RNF32: variants seen among roughly 807,000 people sequenced by gnomAD.
The protein encoded by RNF32 is ring finger protein 32.
RNF32 carries 36 observed loss-of-function variants against 41.0 expected under a neutral mutation model. The observed-to-expected ratio is 0.88, with a 90% CI of 0.67 to 1.16. The LOEUF (loss-of-function observed/expected upper bound fraction) is 1.16. RNF32 is among the 50% of genes most tolerant of loss of function. The pLI is 0.00. For missense variants in RNF32, 413 were observed against 436.7 expected (o/e 0.95, Z 0.48); for synonymous variants, 154 against 160.9 (o/e 0.96, Z 0.32).
intron 7 of RNF32, among the ~76,000 whole-genome samples, chr7:156,664,568 TGGA>T (rs894802845): frequency 6.6e-6 from 1 of 152,244 alleles, no homozygotes; most frequent in Admixed American, 6.5e-5. Context: ...TTGGTACAAG[TGGA>T]GAATTTCCTT....
At position 156,676,766 on chromosome 7, in the gene RNF32, A is replaced by T; in HGVS notation, c.*111A>T. 5.2e-6 allele frequency: 4 copies of T among 766,386 alleles called. No homozygotes were observed. In the South Asian group the frequency reaches 6.7e-5, roughly 13 times the overall value. The allele number at this position is 766,386 out of a possible 1,614,324, so 47.5% of individuals were successfully genotyped here. ...CTACAATGTAATCTGTTTCCCAGGG[A>T]AATAAGCTATTGGTAGTTGTAGGAA... On this transcript the variant is annotated 3_prime_UTR_variant, in exon 9 of 9. Coordinates refer to ENST00000317955, the MANE Select transcript of RNF32 (RefSeq NM_030936.4).
At chr7:156,646,423 G>C in intron 3 of RNF32, 1 of 1,303,882 alleles carries the variant, frequency 7.7e-7, no homozygotes, top group Non-Finnish European at 1.0e-6. Flanking sequence ...CTCTAGGTGT[G>C]ATTGTACTCT....
At chr7:156,640,627 A>T (rs373546967), upstream of RNF32, 29 of 387,788 alleles carry the variant, frequency 7.5e-5, no homozygotes, top group East Asian at 1.3e-3. Flanking sequence ...AGCATGCGCA[A>T]TGTGGGCCGG....
intron 8 of RNF32, 71 bp downstream of exon 8, chr7:156,675,934 TGGGGG>T: frequency 6.8e-7 from 1 of 1,478,656 alleles, no homozygotes; most frequent in Non-Finnish European, 9.3e-7. Flanking sequence ...GAGTGGCATG[TGGGGG>T]GAGGTCGAGG....
chr7:156,675,687 C>T lies in RNF32; in HGVS notation c.685-9C>T, dbSNP rs370799805. ...GGTGTGAGCTTACCCGCCCCCGCCT[C>T]CTCCTCAGTTCACAGAAATCAGCCA... On this transcript the variant is annotated splice_polypyrimidine_tract_variant and intron_variant, in intron 7 of 8. Coordinates refer to ENST00000317955, the MANE Select transcript of RNF32 (RefSeq NM_030936.4). 2.1e-5 allele frequency: 33 copies of T among 1,606,566 alleles called. No homozygotes were observed. The African/African-American group carries it at 4.3e-4, about 21-fold the overall frequency.
rs115614481 is a variant in RNF32 at position 156,671,756 on chromosome 7, C to T, written c.685-3940C>T. On this transcript the variant is annotated intron_variant, in intron 7 of 8. Coordinates refer to ENST00000317955, the MANE Select transcript of RNF32 (RefSeq NM_030936.4). ...CCAGTCGTCCTAGTATCTCATGTCA[C>T]CATCTTTATGTCCACGTACTTGAAG... Among the ~76,000 whole-genome samples the T allele has an allele frequency of 2.0e-3, 297 of 151,046 alleles. 1 individual carries two copies. The highest frequency in any genetic ancestry group is 6.9e-3 in the African/African-American group (284 of 41,434).
intron 7 of RNF32, chr7:156,660,464 TG>T (rs1800463925): frequency 9.1e-6 from 2 of 220,738 alleles, no homozygotes; most frequent in African/African-American, 4.7e-5. Context: ...TAAGTAAAAC[TG>T]ATTTTTTATT....
At chr7:156,671,078 G>A (rs1362157821) in intron 7 of RNF32, among the ~76,000 whole-genome samples, 1 of 152,212 alleles carries the variant, frequency 6.6e-6, no homozygotes, top group Non-Finnish European at 1.5e-5. Context: ...AATAATGTAA[G>A]TATGCACTTC....
rs1318803954 is a variant in RNF32, at chr7:156,670,698, T to G, written c.685-4998T>G. Among the ~76,000 whole-genome samples the G allele has an allele frequency of 6.6e-6, 1 of 152,156 alleles. No individual in the cohort carries two copies. The highest frequency in any genetic ancestry group is 2.4e-5 in the African/African-American group (1 of 41,434). ...GAGCGGCAGAAGGTGAGATGGCATCTCCGTGTGTCGGGAGAGACCTAACCG... is the reference window on the plus strand; with the variant it reads ...GAGCGGCAGAAGGTGAGATGGCATCGCCGTGTGTCGGGAGAGACCTAACCG... On this transcript the variant is annotated intron_variant, in intron 7 of 8. Coordinates refer to ENST00000317955, the MANE Select transcript of RNF32 (RefSeq NM_030936.4). The surrounding 1 kb of genome is among the most constrained non-coding windows in gnomAD (Gnocchi z 4.3).
Position 156,676,585 on chromosome 7 carries a change from G to A in RNF32, c.1019G>A (p.Gly340Glu). The A allele has an allele frequency of 1.2e-6, 2 of 1,614,226 alleles. No homozygotes were observed. Among genetic ancestry groups the A allele is most frequent in the Non-Finnish European group, 1.7e-6 (2 of 1,180,048 alleles). The change falls in exon 9 of 9, where the codon GGA (glycine) becomes GAA (glutamate). Residue 340 changes from glycine to glutamate, a missense_variant. Coordinates refer to ENST00000317955, the MANE Select transcript of RNF32 (RefSeq NM_030936.4). Reference protein sequence around the residue: ...CLLALEEFSVGDRPPFHACPL... With the variant: ...CLLALEEFSVEDRPPFHACPL... The stretch of plus-strand genomic sequence containing the variant: ...CTGGCACTAGAGGAGTTCTCCGTGG[G>A]AGACAGGCCTCCTTTCCATGCCTGT...
At chr7:156,673,334 C>A (rs1803004058) in intron 7 of RNF32, among the ~76,000 whole-genome samples, 1 of 152,158 alleles carries the variant, frequency 6.6e-6, no homozygotes, top group Non-Finnish European at 1.5e-5. Flanking sequence ...TTGGAGGTAA[C>A]TGTGTATATT....
intron 7 of RNF32, among the ~76,000 whole-genome samples, chr7:156,672,294 C>T (rs572302751): frequency 2.0e-5 from 3 of 152,148 alleles, no homozygotes; most frequent in Non-Finnish European, 2.9e-5. Flanking sequence ...CAGGGTGTGA[C>T]GACGACAGGT....
At chr7:156,657,191 C>A (rs1372604637) in intron 4 of RNF32, among the ~76,000 whole-genome samples, 3 of 152,178 alleles carry the variant, frequency 2.0e-5, no homozygotes, top group Non-Finnish European at 4.4e-5. Context: ...GTTTCCCTGG[C>A]CCCACTGGAC....
rs1172354420 is a variant in RNF32 at position 156,669,952 on chromosome 7, A to G, written c.685-5744A>G. On this transcript the variant is annotated intron_variant, in intron 7 of 8. Coordinates refer to ENST00000317955, the MANE Select transcript of RNF32 (RefSeq NM_030936.4). This position sits in a 1 kb window ranked among gnomAD's most constrained non-coding sequence, Gnocchi z 4.2. ...ACAGATCCCTGTTTAAAAGAAAGAA[A>G]ACATGGGAAAGTGCCATCCAAGTAC... Among the ~76,000 whole-genome samples, 2 of 152,212 alleles carry G rather than the reference A, an allele frequency of 1.3e-5. No homozygotes were observed. Among genetic ancestry groups the G allele is most frequent in the African/African-American group, 2.4e-5 (1 of 41,454 alleles).
chr7:156,657,377 T>G, intron 4 of RNF32, 164 bp from the exon 5 acceptor site: 1 of 665,050 alleles, frequency 1.5e-6, no homozygotes, highest in Non-Finnish European at 2.7e-6. Flanking sequence ...TATATACTTG[T>G]GCTGTGCTAA....
At chr7:156,647,027 GT>G (rs1014817033) in intron 3 of RNF32, among the ~76,000 whole-genome samples, 17 of 151,814 alleles carry the variant, frequency 1.1e-4, no homozygotes, top group African/African-American at 4.1e-4. Flanking sequence ...AATTTTTGTA[GT>G]TTTAGTAGAG....
intron 3 of RNF32, among the ~76,000 whole-genome samples, chr7:156,647,976 C>A (rs188802730): frequency 8.7e-5 from 13 of 150,080 alleles, no homozygotes; most frequent in Admixed American, 8.6e-4. Context: ...TGCATATCTT[C>A]TTTTGGGAAA....
rs1803804018 is a variant in RNF32 at position 156,675,775 on chromosome 7, T to C, written c.764T>C (p.Leu255Ser). 1.9e-6 allele frequency: 3 copies of C among 1,614,006 alleles called. No homozygotes were observed. Among genetic ancestry groups the C allele is most frequent in the Non-Finnish European group, 2.5e-6 (3 of 1,180,008 alleles). The change falls in exon 8 of 9, where the codon TTG (leucine) becomes TCG (serine). Residue 255 changes from leucine (L) to serine (S), a missense_variant. Transcript: ENST00000317955. ...CTCTTTGCAGAAATCGATCAGTGCT[T>C]GGCCATAAATCGAAGTGTTCTTCAG... ...EELFAEIDQC[L>S]AINRSVLQQL...
chr7:156,644,978 G>A (rs1323158996), intron 3 of RNF32, among the ~76,000 whole-genome samples: 1 of 152,064 alleles, frequency 6.6e-6, no homozygotes, highest in East Asian at 1.9e-4. Flanking sequence ...GTAAAAATGG[G>A]AGAACAAAAG....
Sources: gnomAD v4.1 joint callset for allele counts (sites outside exome capture counted in the v4.1 genomes callset) on GRCh38, gnomAD v4.1.1 for gene constraint, Gnocchi (gnomAD v3.1) non-coding constraint, MANE v1.5 for transcripts, NCBI Gene and HGNC (gene_info 2026-07-23, HGNC 2026-07-21) for gene names.